SLC39A12: variants seen among roughly 807,000 people sequenced by gnomAD.
SLC39A12 encodes solute carrier family 39 member 12.
A neutral mutation model predicts 71.1 loss-of-function variants in SLC39A12; 63 were observed. The ratio of observed to expected loss-of-function variants is 0.89; its 90% CI spans 0.72 to 1.09. SLC39A12 has a LOEUF of 1.09. Among genes scored for constraint, SLC39A12 ranks in the 50% least tolerant of loss-of-function variants. SLC39A12 has a pLI of 0.00. For synonymous variants in SLC39A12, 351 were observed against 301.3 expected, an observed-to-expected ratio of 1.16 and a Z score of -1.71; for missense variants, 892 against 812.6, an observed-to-expected ratio of 1.10 and a Z score of -1.19.
At chr10:18,013,049 A>T (rs1364819686) in intron 12 of SLC39A12, among the ~76,000 whole-genome samples, 1 of 151,976 alleles carries the variant, frequency 6.6e-6, no homozygotes, top group Non-Finnish European at 1.5e-5. Flanking sequence ...GCAGCAAGTG[A>T]CATCTCTTAT....
chr10:18,010,434 C>T (rs920674625), intron 12 of SLC39A12: 3 of 152,134 alleles, frequency 2.0e-5, no homozygotes, highest in Non-Finnish European at 4.4e-5. Context: ...AAAGAAATAG[C>T]AAGCATTCAA....
At chr10:17,994,139 A>T (rs1488407972) in intron 9 of SLC39A12, among the ~76,000 whole-genome samples, 2 of 152,192 alleles carry the variant, frequency 1.3e-5, no homozygotes, top group Non-Finnish European at 2.9e-5. Context: ...ATGTGGTTTG[A>T]AAAAAGATAA....
intron 12 of SLC39A12, among the ~76,000 whole-genome samples, chr10:18,004,961 A>T (rs908798563): frequency 2.0e-5 from 3 of 152,072 alleles, no homozygotes; most frequent in African/African-American, 7.2e-5. Context: ...ATCCCCAGCA[A>T]ACTAATGCAT....
At chr10:17,965,856 G>T (rs1281656244) in intron 4 of SLC39A12, among the ~76,000 whole-genome samples, 166 bp downstream of exon 4, 1 of 152,194 alleles carries the variant, frequency 6.6e-6, no homozygotes, top group Non-Finnish European at 1.5e-5. Context: ...TTCAAGGCAA[G>T]CGTGCTATGA....
intron 7 of SLC39A12, among the ~76,000 whole-genome samples, chr10:17,988,349 G>A (rs997440647): frequency 2.6e-5 from 4 of 152,062 alleles, no homozygotes; most frequent in Non-Finnish European, 5.9e-5. Flanking sequence ...AGACCTGGTT[G>A]TTTAAAAGTC....
intron 12 of SLC39A12, among the ~76,000 whole-genome samples, chr10:18,041,080 C>T (rs1342570518): frequency 1.3e-5 from 2 of 152,052 alleles, no homozygotes; most frequent in South Asian, 2.1e-4. Flanking sequence ...CTTGTTGACA[C>T]GAGCCTGTGT....
chr10:17,986,301 A>G (rs1835394475), intron 6 of SLC39A12, among the ~76,000 whole-genome samples: 1 of 152,204 alleles, frequency 6.6e-6, no homozygotes, highest in South Asian at 2.1e-4. Context: ...AGTAACTTCA[A>G]AACAACACGG....
intron 7 of SLC39A12, among the ~76,000 whole-genome samples, chr10:17,990,554 A>G (rs973334661): frequency 6.6e-5 from 10 of 152,138 alleles, no homozygotes; most frequent in African/African-American, 2.4e-4. Context: ...GACTCAACCA[A>G]TGGGATGAGT....
At chr10:18,023,954 G>C (rs1356980704) in intron 12 of SLC39A12, among the ~76,000 whole-genome samples, 1 of 152,194 alleles carries the variant, frequency 6.6e-6, no homozygotes, top group Non-Finnish European at 1.5e-5. Flanking sequence ...TGGTATGCTG[G>C]AGGCCTGCAA....
chr10:17,975,275 G>A (rs961161333), intron 4 of SLC39A12, among the ~76,000 whole-genome samples: 4 of 152,130 alleles, frequency 2.6e-5, no homozygotes, highest in Non-Finnish European at 5.9e-5. Context: ...CTGTGGCTAA[G>A]GTGATACCTG....
chr10:17,982,574 G>T (rs766420031), intron 6 of SLC39A12, among the ~76,000 whole-genome samples: 1 of 152,122 alleles, frequency 6.6e-6, no homozygotes, highest in African/African-American at 2.4e-5. Flanking sequence ...ACAAAAACAC[G>T]CCAGGCCTAA....
chr10:18,028,540 C>A (rs1007532326), intron 12 of SLC39A12, among the ~76,000 whole-genome samples: 1 of 151,350 alleles, frequency 6.6e-6, no homozygotes, highest in African/African-American at 2.5e-5. Context: ...TTTTGTGGAT[C>A]ATCCTTCTTT....
chr10:17,965,402 T>G, intron 3 of SLC39A12, 81 bp from the exon 4 acceptor site: 63 of 1,272,728 alleles, frequency 4.9e-5, no homozygotes, highest in Non-Finnish European at 6.5e-5. Context: ...CCTTATCCCT[T>G]TAGGGGGAAA....
Position 17,953,385 on chromosome 10 carries a change from C to T in SLC39A12, c.109C>T (p.Arg37Cys), listed in dbSNP as rs377384974. 6.5e-5 allele frequency: 105 copies of T among 1,613,994 alleles called. No individual in the cohort carries two copies. Among genetic ancestry groups the T allele is most frequent in the Non-Finnish European group, 8.1e-5 (95 of 1,180,036 alleles). ...DKPSAQDSRS[R>C]GSSGQPADLL... Reference sequence around the variant, plus strand: ...ACCCTCAGCCCAGGATAGCAGAAGCCGTGGGAGTTCAGGCCAACCGGCAGA... The same window carrying T: ...ACCCTCAGCCCAGGATAGCAGAAGCTGTGGGAGTTCAGGCCAACCGGCAGA... Residue 37 changes from arginine to cysteine, a missense_variant, in exon 2 of 13, where the codon CGT (arginine) becomes TGT (cysteine). Physicochemically the swap from Arg to Cys is radical, Grantham distance 180. Coordinates refer to ENST00000377369, the MANE Select transcript of SLC39A12 (RefSeq NM_001145195.2).
chr10:18,001,079 T>A (rs1348501435), intron 11 of SLC39A12, among the ~76,000 whole-genome samples: 2 of 152,206 alleles, frequency 1.3e-5, no homozygotes, highest in Non-Finnish European at 2.9e-5. Flanking sequence ...GAGAATTCCA[T>A]ATGGGAGACA....
chr10:17,980,545 C>T (rs185984606), intron 5 of SLC39A12, among the ~76,000 whole-genome samples: 53 of 150,998 alleles, frequency 3.5e-4, no homozygotes, highest in African/African-American at 1.0e-3. Flanking sequence ...TTGAAGTACA[C>T]AACGTCAACC....
intron 1 of SLC39A12, 140 bp from the exon 2 acceptor site, chr10:17,953,051 G>T: frequency 3.6e-6 from 2 of 561,806 alleles, no homozygotes; most frequent in Non-Finnish European, 6.2e-6. Context: ...CTGCCATTTG[G>T]GGTTAGAAAT....
In SLC39A12 at chr10:17,987,664, T is replaced by C. The variant is rs1348112595; in HGVS notation, c.1269+13T>C. On this transcript the variant is annotated intron_variant, in intron 7 of 12. Coordinates refer to ENST00000377369, the MANE Select transcript of SLC39A12 (RefSeq NM_001145195.2). ...CCTTATCCCTCAGGTAATCTGGTCT[T>C]TTCCATTTCAGATAAAGTTCACTTC... 4 of 1,613,502 alleles carry C rather than the reference T, an allele frequency of 2.5e-6. No individual in the cohort carries two copies. Among genetic ancestry groups the C allele is most frequent in the Non-Finnish European group, 3.4e-6 (4 of 1,179,916 alleles).
At chr10:18,001,911 G>A (rs903113807) in intron 11 of SLC39A12, 5 of 147,410 alleles carry the variant, frequency 3.4e-5, no homozygotes, top group Non-Finnish European at 5.9e-5. Flanking sequence ...CAAATACTAG[G>A]TCTTATTCAT....
Sources: gnomAD v4.1 joint callset for allele counts (sites outside exome capture counted in the v4.1 genomes callset) on GRCh38, gnomAD v4.1.1 for gene constraint, MANE v1.5 for transcripts, NCBI Gene and HGNC (gene_info 2026-07-23, HGNC 2026-07-21) for gene names.